Variants in FILIP1 observed in about 807,000 individuals in gnomAD.
FILIP1 encodes filamin-A-interacting protein 1.
Under a neutral mutation model 102.1 loss-of-function variants are expected in FILIP1, and 61 were observed. The ratio of observed to expected loss-of-function variants is 0.60; its 90% CI spans 0.49 to 0.74. The LOEUF (loss-of-function observed/expected upper bound fraction) is 0.74, where lower values mean the gene tolerates loss of function less well. Ranked by LOEUF, FILIP1 falls within the 30% of genes least tolerant of loss-of-function variation. FILIP1 has a pLI of 0.00. For missense variants in FILIP1, 1,314 were observed against 1,441.2 expected (o/e 0.91, Z 1.43); for synonymous variants, 491 against 526.9 (o/e 0.93, Z 0.93).
chr6:75,311,727 C>T (rs1773193628), intron 5 of FILIP1, among the ~76,000 whole-genome samples: 1 of 152,122 alleles, frequency 6.6e-6, no homozygotes, highest in Admixed American at 6.5e-5. Flanking sequence ...GAACTCCTGA[C>T]CTCAGGTAAT....
At chr6:75,350,789 C>T (rs1774770646) in intron 4 of FILIP1, among the ~76,000 whole-genome samples, 1 of 152,116 alleles carries the variant, frequency 6.6e-6, no homozygotes, top group African/African-American at 2.4e-5. Flanking sequence ...AGGTGGGAAG[C>T]TAAAGAAAAG....
intron 4 of FILIP1, among the ~76,000 whole-genome samples, chr6:75,328,422 A>G (rs1416422784): frequency 6.6e-6 from 1 of 152,192 alleles, no homozygotes; most frequent in Non-Finnish European, 1.5e-5. Flanking sequence ...ATTGATGGGT[A>G]CATGGGTGTT....
intron 1 of FILIP1, among the ~76,000 whole-genome samples, chr6:75,423,474 C>CA (rs1348226736): frequency 6.6e-6 from 1 of 151,946 alleles, no homozygotes; most frequent in African/African-American, 2.4e-5. Flanking sequence ...AAACTTGCAC[C>CA]AAAAAAAGGT....
Position 75,461,710 on chromosome 6 carries a change from G to A in FILIP1, c.-7+31704C>T, listed in dbSNP as rs370867558. Among the ~76,000 whole-genome samples, 12 of 152,286 alleles carry A rather than the reference G, an allele frequency of 7.9e-5. No homozygotes were observed. The South Asian group carries it at 2.5e-3, about 32-fold the overall frequency. On this transcript the variant is annotated intron_variant, in intron 1 of 5. Transcript: ENST00000237172. ...CATTTTATTCTCTCATTTGCAAAAT[G>A]AAGGCGATAAATTAGGTTATTTCCA...
chr6:75,318,529 C>T (rs1773523424), intron 4 of FILIP1, among the ~76,000 whole-genome samples: 1 of 152,078 alleles, frequency 6.6e-6, no homozygotes, highest in Non-Finnish European at 1.5e-5. Flanking sequence ...AGCCATCATG[C>T]CTGGCCCAGT....
At chr6:75,461,499 A>T (rs1779021965) in intron 1 of FILIP1, among the ~76,000 whole-genome samples, 1 of 152,150 alleles carries the variant, frequency 6.6e-6, no homozygotes, top group South Asian at 2.1e-4. Flanking sequence ...ATATTTTTCT[A>T]AGTTTTCATA....
At chr6:75,376,573 T>C (rs985945770) in intron 2 of FILIP1, among the ~76,000 whole-genome samples, 1 of 152,146 alleles carries the variant, frequency 6.6e-6, no homozygotes. Context: ...CTGCCTGACA[T>C]ACAGTGAGGC....
In FILIP1 at chr6:75,414,805, T is replaced by A. The variant is rs745959816; in HGVS notation, c.168A>T (p.Lys56Asn). Residue 56 changes from lysine to asparagine, a missense_variant, in exon 2 of 6, where the codon AAA becomes AAT. By Grantham distance (94) the Lys-to-Asn change is moderately conservative (BLOSUM62 0). Around this residue, in one of 3 missense-constraint regions of FILIP1, gnomAD observed 494 missense variants for 511.2 expected, o/e 0.97. Coordinates refer to ENST00000237172, the MANE Select transcript of FILIP1 (RefSeq NM_015687.5). The stretch of plus-strand genomic sequence containing the variant: ...ATTCTCCAGATGTTTTTAGGTGTCG[T>A]TTGACAGTTCCTGAGGCCATGACAT... ...EDDVMASGTV[K>N]RHLKTSGECE... 10 of 1,613,830 alleles carry A rather than the reference T, an allele frequency of 6.2e-6. No individual in the cohort carries two copies. Among genetic ancestry groups the A allele is most frequent in the Non-Finnish European group, 8.5e-6 (10 of 1,179,874 alleles).
chr6:75,393,033 C>A (rs1429849609), intron 2 of FILIP1, among the ~76,000 whole-genome samples: 6 of 152,270 alleles, frequency 3.9e-5, no homozygotes, highest in Admixed American at 3.9e-4. Flanking sequence ...AATACACTGC[C>A]CTAATCCAAG....
chr6:75,387,849 G>A (rs1284540180), intron 2 of FILIP1, among the ~76,000 whole-genome samples: 2 of 152,162 alleles, frequency 1.3e-5, no homozygotes, highest in African/African-American at 4.8e-5. Flanking sequence ...TCACTCTGAG[G>A]ATAGTTTCTT....
chr6:75,366,695 C>T (rs1044518365), intron 2 of FILIP1, among the ~76,000 whole-genome samples: 5 of 152,156 alleles, frequency 3.3e-5, no homozygotes, highest in African/African-American at 1.2e-4. Context: ...GTTAGGTCTC[C>T]ATGATTAAAT....
intron 1 of FILIP1, among the ~76,000 whole-genome samples, chr6:75,415,664 T>C (rs1467446196): frequency 6.6e-6 from 1 of 152,020 alleles, no homozygotes; most frequent in African/African-American, 2.4e-5. Context: ...CCATAGCCTC[T>C]ATTTTAAAAT....
chr6:75,389,112 G>A (rs1776198185), intron 2 of FILIP1, among the ~76,000 whole-genome samples: 1 of 152,184 alleles, frequency 6.6e-6, no homozygotes, highest in Non-Finnish European at 1.5e-5. Context: ...GGCCTTTTCT[G>A]CATCTATTGA....
At chr6:75,484,103 G>A (rs1779719289) in intron 1 of FILIP1, among the ~76,000 whole-genome samples, 1 of 152,052 alleles carries the variant, frequency 6.6e-6, no homozygotes, top group South Asian at 2.1e-4. Flanking sequence ...CCACCTATGT[G>A]ACTCTTGTAC....
chr6:75,449,830 C>T (rs922142160), intron 1 of FILIP1, among the ~76,000 whole-genome samples: 1 of 152,152 alleles, frequency 6.6e-6, no homozygotes, highest in Admixed American at 6.5e-5. Context: ...GTGGAATCTG[C>T]AATTGCACTC....
In FILIP1 at chr6:75,447,614, G is replaced by T. The variant is rs575181455; in HGVS notation, c.-6-32636C>A. ...CTAGTTGTCTAGGGAATAAAGAATA[G>T]TGAACTTTGAAAGCTAATGTTAAGG... On this transcript the variant is annotated intron_variant, in intron 1 of 5. Transcript: ENST00000237172. Among the ~76,000 whole-genome samples, 3 of 152,274 alleles carry T rather than the reference G, an allele frequency of 2.0e-5. No individual in the cohort carries two copies. The South Asian group carries it at 6.2e-4, about 32-fold the overall frequency.
At chr6:75,466,310 A>G (rs1418940011) in intron 1 of FILIP1, among the ~76,000 whole-genome samples, 1 of 152,254 alleles carries the variant, frequency 6.6e-6, no homozygotes, top group Non-Finnish European at 1.5e-5. Flanking sequence ...TGTAAACTCC[A>G]GAAGGGAAAT....
At chr6:75,370,341 A>G (rs1315989583) in intron 2 of FILIP1, among the ~76,000 whole-genome samples, 1 of 152,168 alleles carries the variant, frequency 6.6e-6, no homozygotes, top group Non-Finnish European at 1.5e-5. Flanking sequence ...GACTGTGTCT[A>G]TAGCGCCTAA....
chr6:75,392,596 C>A (rs1047967940), intron 2 of FILIP1, among the ~76,000 whole-genome samples: 10 of 152,174 alleles, frequency 6.6e-5, no homozygotes, highest in Non-Finnish European at 1.0e-4. Flanking sequence ...CCAGCAAATA[C>A]AATGAGCTCT....
Sources: gnomAD v4.1 joint callset for allele counts (sites outside exome capture counted in the v4.1 genomes callset) on GRCh38, gnomAD v4.1.1 for gene constraint, gnomAD v4.1.1 regional missense constraint, MANE v1.5 for transcripts, NCBI Gene and HGNC (gene_info 2026-07-23, HGNC 2026-07-21) for gene names.